Variants in CDH13 observed in about 807,000 individuals in gnomAD.
CDH13 encodes cadherin-13.
CDH13 carries 24 observed loss-of-function variants against 63.8 expected under a neutral mutation model. That is an observed-to-expected ratio of 0.38 (90% CI 0.27 to 0.53). The LOEUF (loss-of-function observed/expected upper bound fraction) is 0.53. Ranked by LOEUF, CDH13 falls within the 20% of genes least tolerant of loss-of-function variation. CDH13 has a pLI of 0.85. For missense variants in CDH13, 1,049 were observed against 903.1 expected (o/e 1.16, Z -2.07); for synonymous variants, 503 against 355.3 (o/e 1.42, Z -4.67).
chr16:83,667,905 C>T (rs931515022), intron 8 of CDH13, among the ~76,000 whole-genome samples: 2 of 152,036 alleles, frequency 1.3e-5, no homozygotes, highest in African/African-American at 4.8e-5. Flanking sequence ...TCAAGTGATC[C>T]TCCCACCTCA....
rs113303149 is a variant in CDH13, at chr16:82,971,167, C to T, written c.158-60843C>T. Among the ~76,000 whole-genome samples, 637 of 152,282 alleles carry T rather than the reference C, an allele frequency of 4.2e-3. 8 individuals are homozygous for T. The highest frequency in any genetic ancestry group is 0.014 in the African/African-American group (599 of 41,564). On this transcript the variant is annotated intron_variant, in intron 2 of 13. Transcript: ENST00000567109. ...CCCCAACTCCCTCACCCTTCGAATG[C>T]GATGACTCTAAGGCTTATGTTTTAA... is the stretch of plus-strand genomic sequence containing the variant.
intron 5 of CDH13, among the ~76,000 whole-genome samples, chr16:83,220,322 G>A (rs1001554016): frequency 3.3e-5 from 5 of 152,146 alleles, no homozygotes; most frequent in East Asian, 3.8e-4. Flanking sequence ...TTTGGGCACA[G>A]GAATGTTGCA....
intron 1 of CDH13, among the ~76,000 whole-genome samples, chr16:82,796,702 A>T (rs1329190304): frequency 2.0e-5 from 3 of 152,244 alleles, no homozygotes; most frequent in Non-Finnish European, 4.4e-5. Context: ...GTGGCCACCC[A>T]AGATGGATTC....
At chr16:83,032,587 G>A (rs1036750312) in intron 3 of CDH13, among the ~76,000 whole-genome samples, 4 of 152,074 alleles carry the variant, frequency 2.6e-5, no homozygotes, top group Non-Finnish European at 5.9e-5. Context: ...GGAGGTCTCA[G>A]CAACTACCCT....
intron 10 of CDH13, among the ~76,000 whole-genome samples, chr16:83,723,410 C>A (rs947160042): frequency 1.2e-4 from 18 of 152,178 alleles, no homozygotes; most frequent in African/African-American, 4.3e-4. Context: ...TCTGCTTGGC[C>A]CTCTGTCTCC....
chr16:83,579,238 A>T (rs1905316385), intron 7 of CDH13, among the ~76,000 whole-genome samples: 1 of 152,084 alleles, frequency 6.6e-6, no homozygotes, highest in Non-Finnish European at 1.5e-5. Flanking sequence ...GGGGAGAGTG[A>T]ATCACCCCAG....
chr16:82,934,178 C>T lies in CDH13; in HGVS notation c.157+75705C>T, dbSNP rs536614537. 1.4e-4 allele frequency among the ~76,000 whole-genome samples: 22 copies of T among 152,360 alleles called. No homozygotes were observed. The Middle Eastern group carries it at 0.014, about 94-fold the overall frequency. On this transcript the variant is annotated intron_variant, in intron 2 of 13. Transcript: ENST00000567109. The stretch of plus-strand genomic sequence containing the variant: ...CTGCAGCAGACTTCTGCCTGGACAT[C>T]CAGGCATTTCCATACATCTTCTGAA...
At chr16:83,657,533 T>C (rs1421176867) in intron 8 of CDH13, among the ~76,000 whole-genome samples, 4 of 152,168 alleles carry the variant, frequency 2.6e-5, no homozygotes, top group Non-Finnish European at 1.5e-5. Context: ...TCCAAAGTGT[T>C]CCTTGACAAT....
intron 1 of CDH13, among the ~76,000 whole-genome samples, chr16:82,751,413 C>T (rs1042012504): frequency 1.3e-5 from 2 of 152,146 alleles, no homozygotes; most frequent in African/African-American, 4.8e-5. Flanking sequence ...CCTGCCTCCT[C>T]ACTTCCCTGG....
intron 1 of CDH13, among the ~76,000 whole-genome samples, chr16:82,675,248 C>T (rs530509232): frequency 1.2e-4 from 18 of 152,256 alleles, no homozygotes; most frequent in African/African-American, 4.1e-4. Context: ...GCATCGCTTT[C>T]TTGGTTTAAA....
At chr16:83,629,149 C>A (rs368841959) in intron 8 of CDH13, among the ~76,000 whole-genome samples, 1 of 152,080 alleles carries the variant, frequency 6.6e-6, no homozygotes, top group Non-Finnish European at 1.5e-5. Context: ...TGTTCTTATA[C>A]GAGAAACACC....
chr16:82,738,289 A>G (rs973037469), intron 1 of CDH13, among the ~76,000 whole-genome samples: 61 of 152,328 alleles, frequency 4.0e-4, no homozygotes, highest in African/African-American at 1.4e-3. Flanking sequence ...TTATTCTAAA[A>G]CAGAAGTTGG....
chr16:83,539,537 A>G (rs1258811945), intron 7 of CDH13, among the ~76,000 whole-genome samples: 1 of 152,242 alleles, frequency 6.6e-6, no homozygotes, highest in Admixed American at 6.5e-5. Flanking sequence ...GAAAACCGAA[A>G]CATTGAAAGA....
intron 1 of CDH13, among the ~76,000 whole-genome samples, chr16:82,791,415 C>G (rs752624895): frequency 1.1e-4 from 16 of 152,162 alleles, no homozygotes; most frequent in Admixed American, 3.9e-4. Flanking sequence ...CATATATCGC[C>G]TGAGAACACA....
chr16:82,966,239 C>T (rs575539268), intron 2 of CDH13, among the ~76,000 whole-genome samples: 74 of 152,272 alleles, frequency 4.9e-4, no homozygotes, highest in African/African-American at 1.4e-3. Flanking sequence ...ACCTCCGCCT[C>T]CCGGGTTGAC....
At chr16:82,657,427 T>C (rs940678366) in intron 1 of CDH13, among the ~76,000 whole-genome samples, 8 of 152,152 alleles carry the variant, frequency 5.3e-5, no homozygotes, top group African/African-American at 1.9e-4. Flanking sequence ...ATGGATACAC[T>C]GAAGAAAATG....
intron 4 of CDH13, among the ~76,000 whole-genome samples, chr16:83,173,990 C>A (rs905618478): frequency 6.6e-6 from 1 of 152,028 alleles, no homozygotes; most frequent in East Asian, 1.9e-4. Context: ...GAGATATGAC[C>A]AGACAATAAC....
chr16:82,996,316 CTCA>C (rs926733178), intron 2 of CDH13, among the ~76,000 whole-genome samples: 1 of 152,154 alleles, frequency 6.6e-6, no homozygotes, highest in African/African-American at 2.4e-5. Flanking sequence ...TACCCCATGA[CTCA>C]TCAGCTTCCT....
chr16:82,965,442 G>A (rs72790183), intron 2 of CDH13, among the ~76,000 whole-genome samples: 23,909 of 152,080 alleles, frequency 0.16, 1,970 homozygotes, highest in Middle Eastern at 0.2. Context: ...ATCAATGTAC[G>A]TTTCTTCTAA....
Sources: allele counts gnomAD v4.1 joint callset (sites outside exome capture counted in the v4.1 genomes callset), GRCh38; gene constraint gnomAD v4.1.1; transcripts MANE v1.5; gene names NCBI Gene and HGNC (gene_info 2026-07-23, HGNC 2026-07-21).